The following NFKBIZ variants were observed in gnomAD, a reference collection of about 807,000 sequenced individuals.
The protein encoded by NFKBIZ is NF-kappa-B inhibitor zeta.
Under a neutral mutation model 76.8 loss-of-function variants are expected in NFKBIZ, and 19 were observed. That is an observed-to-expected ratio of 0.25 (90% confidence interval 0.17 to 0.36). The LOEUF is 0.36. Ranked by LOEUF, NFKBIZ falls within the 10% of genes least tolerant of loss-of-function variation. The probability of loss-of-function intolerance (pLI) is 1.00; values close to 1 mark genes in which losing one functional copy is unlikely to be tolerated. For missense variants in NFKBIZ, 829 were observed against 910.9 expected (o/e 0.91, Z 1.16); for synonymous variants, 368 against 354.8 (o/e 1.04, Z -0.42).
chr3:101,830,080 T>C (rs963297447), intron 2 of NFKBIZ, among the ~76,000 whole-genome samples: 1 of 152,210 alleles, frequency 6.6e-6, no homozygotes, highest in Non-Finnish European at 1.5e-5. Flanking sequence ...GTGAAGAGGC[T>C]CCTTAAAACT....
intron 2 of NFKBIZ, among the ~76,000 whole-genome samples, chr3:101,837,687 T>C (rs1576807098): frequency 6.6e-6 from 1 of 152,250 alleles, no homozygotes; most frequent in East Asian, 1.9e-4. Context: ...GTTTCCATCC[T>C]CTCCTCTTTA....
chr3:101,853,877 T>A lies in NFKBIZ; in HGVS notation c.1337+14T>A. On this transcript the variant is annotated intron_variant, in intron 5 of 11. Coordinates refer to ENST00000326172, the MANE Select transcript of NFKBIZ (RefSeq NM_031419.4). ...AGATGGTGACACGTGAGTATTCTTTTATCTCATGTTCTTAATTAGGTAAGC... is the reference window on the plus strand; with the variant it reads ...AGATGGTGACACGTGAGTATTCTTTAATCTCATGTTCTTAATTAGGTAAGC... 2 of 1,605,384 alleles carry A rather than the reference T, an allele frequency of 1.2e-6. No homozygotes were observed. Among genetic ancestry groups the A allele is most frequent in the Non-Finnish European group, 1.7e-6 (2 of 1,174,902 alleles).
intron 2 of NFKBIZ, among the ~76,000 whole-genome samples, chr3:101,834,865 A>AT (rs1335405367): frequency 6.6e-6 from 1 of 152,106 alleles, no homozygotes; most frequent in Non-Finnish European, 1.5e-5. Flanking sequence ...AAACCCCTGA[A>AT]TGGCTCCCCA....
rs1202592395 is a variant in NFKBIZ at position 101,853,615 on chromosome 3, TCAG to T, written c.1095_1097del (p.Gln366del). The T allele has an allele frequency of 1.9e-6, 3 of 1,614,236 alleles. No homozygotes were observed. The South Asian group carries it at 3.3e-5, about 18-fold the overall frequency. ...ATCCCATGCAGACTTCCTCCAGTGTTCAGCAGCAAAATGATGCTCACTTGCACA... is the reference window on the plus strand; with the variant it reads ...ATCCCATGCAGACTTCCTCCAGTGTTCAGCAAAATGATGCTCACTTGCACA... On this transcript the variant is annotated inframe_deletion, in exon 5 of 12. Transcript: ENST00000326172.
upstream of NFKBIZ, among the ~76,000 whole-genome samples, chr3:101,846,699 TTGG>T (rs1242707465): frequency 6.6e-6 from 1 of 152,328 alleles, no homozygotes; most frequent in African/African-American, 2.4e-5. Flanking sequence ...ACATAAAATA[TTGG>T]TGGGTAGAAA....
upstream of NFKBIZ, among the ~76,000 whole-genome samples, chr3:101,848,263 G>A (rs1241216994): frequency 1.3e-5 from 2 of 152,228 alleles, no homozygotes; most frequent in Non-Finnish European, 2.9e-5. Flanking sequence ...AAGGCACCAA[G>A]TTATCTTTTA....
At chr3:101,850,230 A>G (rs1942931642) in intron 1 of NFKBIZ, 1 of 308,150 alleles carries the variant, frequency 3.2e-6, no homozygotes, top group Non-Finnish European at 6.0e-6. Context: ...TTGTTGAGTC[A>G]TAATTAATAA....
upstream of NFKBIZ, chr3:101,849,480 C>A: frequency 1.6e-6 from 1 of 617,550 alleles, no homozygotes; most frequent in Non-Finnish European, 2.3e-6. Context: ...GCGCTGCGGC[C>A]CGTTAAATAC....
intron 1 of NFKBIZ, among the ~76,000 whole-genome samples, chr3:101,851,389 G>C (rs950881345): frequency 6.6e-6 from 1 of 152,196 alleles, no homozygotes; most frequent in Non-Finnish European, 1.5e-5. Context: ...TCCAAAAACA[G>C]TCAATGAGGG....
At chr3:101,858,316 G>A (rs775722488) in intron 11 of NFKBIZ, 4 of 967,746 alleles carry the variant, frequency 4.1e-6, no homozygotes, top group African/African-American at 3.5e-5. Flanking sequence ...TCTATAGTTT[G>A]TAAAAAGTTT....
chr3:101,831,815 AT>A (rs1299075671), intron 2 of NFKBIZ, among the ~76,000 whole-genome samples: 24 of 151,978 alleles, frequency 1.6e-4, no homozygotes, highest in Middle Eastern at 6.8e-3. Context: ...TAATTTTTGT[AT>A]TTTTAGTAGA....
At chr3:101,830,368 G>A (rs1942632016) in intron 2 of NFKBIZ, among the ~76,000 whole-genome samples, 1 of 152,172 alleles carries the variant, frequency 6.6e-6, no homozygotes, top group Non-Finnish European at 1.5e-5. Context: ...GGGGGTGCAT[G>A]TATAGGTTTG....
intron 6 of NFKBIZ, 115 bp from the exon 7 acceptor site, chr3:101,854,947 C>A: frequency 8.5e-7 from 1 of 1,182,948 alleles, no homozygotes; most frequent in South Asian, 1.6e-5. Context: ...ATTGCTTATT[C>A]AAAGGATTTA....
At chr3:101,857,494 G>C (rs751093479) in intron 11 of NFKBIZ, 35 bp downstream of exon 11, 1 of 1,611,576 alleles carries the variant, frequency 6.2e-7, no homozygotes, top group Non-Finnish European at 8.5e-7. Context: ...AGTATTTTTT[G>C]GCACTGCAGT....
chr3:101,839,702 T>G (rs72939612), intron 2 of NFKBIZ, among the ~76,000 whole-genome samples: 1 of 152,302 alleles, frequency 6.6e-6, no homozygotes, highest in African/African-American at 2.4e-5. Flanking sequence ...GTCAAAAATT[T>G]TCTTAATTTC....
At chr3:101,843,406 G>C (rs932381898) in intron 2 of NFKBIZ, among the ~76,000 whole-genome samples, 1 of 152,166 alleles carries the variant, frequency 6.6e-6, no homozygotes, top group Middle Eastern at 3.2e-3. Context: ...TCATGCCATT[G>C]CACTCCAGCC....
intron 2 of NFKBIZ, among the ~76,000 whole-genome samples, chr3:101,832,940 C>T (rs1043913844): frequency 6.6e-6 from 1 of 152,184 alleles, no homozygotes; most frequent in African/African-American, 2.4e-5. Flanking sequence ...TGGCACAGTG[C>T]AGTGAATAAG....
At position 101,852,004 on chromosome 3, in the gene NFKBIZ, A is replaced by G. The variant is rs910806859; in HGVS notation, c.290-81A>G. ...GCTTGGGGACTTTATACATTAGGCAACAGCTATACTTTTGGGATTATTAAC... is the reference window on the plus strand; with the variant it reads ...GCTTGGGGACTTTATACATTAGGCAGCAGCTATACTTTTGGGATTATTAAC... On this transcript the variant is annotated intron_variant, in intron 1 of 11. Transcript: ENST00000326172. 14 of 1,526,296 alleles carry G rather than the reference A, an allele frequency of 9.2e-6. No homozygotes were observed. In the African/African-American group the frequency reaches 1.8e-4, roughly 20 times the overall value. The allele number at this position is 1,526,296 out of a possible 1,614,324, so 94.5% of individuals were successfully genotyped here. A position where few individuals can be genotyped will look rare whatever the true frequency, so the allele number is the denominator to read the frequency against.
Position 101,832,060 on chromosome 3 carries a change from T to C in NFKBIZ, c.-12+2372T>C, listed in dbSNP as rs557269827. On this transcript the variant is annotated intron_variant, in intron 2 of 12. Coordinates refer to the NFKBIZ transcript ENST00000394054. ...AGTAGCTGGGACTACTACAGGTGCA[T>C]GCCAGCATGCCAAGCTTCTTTGTTC... Among the ~76,000 whole-genome samples, 3 of 152,246 alleles carry C rather than the reference T, an allele frequency of 2.0e-5. No homozygotes were observed. In the South Asian group the frequency reaches 6.2e-4, roughly 32 times the overall value.
Sources: gnomAD v4.1 joint callset for allele counts (sites outside exome capture counted in the v4.1 genomes callset) on GRCh38, gnomAD v4.1.1 for gene constraint, MANE v1.5 for transcripts, NCBI Gene and HGNC (gene_info 2026-07-23, HGNC 2026-07-21) for gene names.